SAMD5: variants seen among roughly 807,000 people sequenced by gnomAD.
SAMD5 encodes sterile alpha motif domain containing 5, also known as sterile alpha motif domain-containing protein 5.
SAMD5 carries 13 observed loss-of-function variants against 11.3 expected under a neutral mutation model. That is an observed-to-expected ratio of 1.15 (90% CI 0.75 to 1.83). SAMD5 has a LOEUF of 1.83. Among genes scored for constraint, SAMD5 ranks in the 40% most tolerant of loss-of-function variants. SAMD5 has a pLI of 0.00. For missense variants in SAMD5, 255 were observed against 239.1 expected (o/e 1.07, Z -0.44); for synonymous variants, 129 against 111.3 (o/e 1.16, Z -1.00).
At chr6:147,792,059 T>C in the SAMD5 span, among the ~76,000 whole-genome samples, 2 of 152,136 alleles carry the variant, frequency 1.3e-5, no homozygotes, top group Non-Finnish European at 2.9e-5. Context: ...CCTCTTACTA[T>C]AGCAAATTAA....
At chr6:147,913,208 C>G in the SAMD5 span, among the ~76,000 whole-genome samples, 2 of 151,576 alleles carry the variant, frequency 1.3e-5, no homozygotes, top group East Asian at 3.9e-4. Flanking sequence ...ACAATCAGTG[C>G]AAAAAAAAGA....
At chr6:147,749,544 A>G in the SAMD5 span, among the ~76,000 whole-genome samples, 1 of 152,206 alleles carries the variant, frequency 6.6e-6, no homozygotes, top group African/African-American at 2.4e-5. Context: ...ATGTCATATT[A>G]TAAGTTTTCA....
At chr6:147,560,008 G>A (rs1413530971) in intron 1 of SAMD5, among the ~76,000 whole-genome samples, 1 of 152,116 alleles carries the variant, frequency 6.6e-6, no homozygotes, top group Non-Finnish European at 1.5e-5. Context: ...TTATTGTGTA[G>A]GCAATAAAGA....
the SAMD5 span, among the ~76,000 whole-genome samples, chr6:147,759,027 G>C: frequency 6.6e-6 from 1 of 152,200 alleles, no homozygotes; most frequent in Non-Finnish European, 1.5e-5. Flanking sequence ...GAGGAATGGG[G>C]TAGGAGCTAA....
At chr6:147,768,085 A>G in the SAMD5 span, among the ~76,000 whole-genome samples, 137 of 152,364 alleles carry the variant, frequency 9.0e-4, no homozygotes, top group African/African-American at 3.2e-3. Flanking sequence ...AAAATTAACA[A>G]TTCAACTGCA....
downstream of SAMD5, among the ~76,000 whole-genome samples, chr6:147,574,993 T>A (rs184464523): frequency 6.6e-6 from 1 of 152,378 alleles, no homozygotes; most frequent in Non-Finnish European, 1.5e-5. Context: ...CCAGTTTAAC[T>A]ATATTAAAAG....
chr6:147,759,951 C>T, the SAMD5 span, among the ~76,000 whole-genome samples: 4 of 152,160 alleles, frequency 2.6e-5, no homozygotes, highest in South Asian at 8.3e-4. Flanking sequence ...AATTCCATAT[C>T]TACACTCTTC....
rs575249721 is a variant in SAMD5 at position 147,700,537 on chromosome 6, A to G, written c.163-36780A>G. Among the ~76,000 whole-genome samples, 6 of 152,248 alleles carry G rather than the reference A, an allele frequency of 3.9e-5. No homozygotes were observed. The East Asian group carries it at 1.2e-3, about 29-fold the overall frequency. On this transcript the variant is annotated intron_variant, in intron 1 of 1. Transcript: ENST00000566741. ...TACTGTGTTGGGTAGGTTGCCCCCA[A>G]GTGAGCTGGTATAACAGGTCTGCAT...
chr6:147,782,794 T>C, the SAMD5 span, among the ~76,000 whole-genome samples: 1 of 152,208 alleles, frequency 6.6e-6, no homozygotes, highest in Non-Finnish European at 1.5e-5. Flanking sequence ...AAAATCTTGA[T>C]CCACAAAATG....
At chr6:147,688,419 C>T (rs953044884) in intron 1 of SAMD5, among the ~76,000 whole-genome samples, 6 of 152,136 alleles carry the variant, frequency 3.9e-5, no homozygotes, top group African/African-American at 1.4e-4. Flanking sequence ...AATAGGCATA[C>T]TTTTATTTCA....
the SAMD5 span, among the ~76,000 whole-genome samples, chr6:147,934,254 T>C: frequency 1.9e-4 from 28 of 151,082 alleles, no homozygotes; most frequent in Non-Finnish European, 3.5e-4. Context: ...TGTTTAACTG[T>C]TTATATTACA....
intron 1 of SAMD5, among the ~76,000 whole-genome samples, chr6:147,683,170 C>T (rs1790963551): frequency 6.6e-6 from 1 of 152,208 alleles, no homozygotes. Flanking sequence ...ATTTGAAATG[C>T]TTGCCTATGT....
At chr6:147,825,585 T>C in the SAMD5 span, among the ~76,000 whole-genome samples, 1 of 152,122 alleles carries the variant, frequency 6.6e-6, no homozygotes, top group African/African-American at 2.4e-5. Flanking sequence ...CCTGGCATTT[T>C]TTTTCTTTTA....
intron 1 of SAMD5, among the ~76,000 whole-genome samples, chr6:147,706,672 C>G (rs868426957): frequency 6.6e-6 from 1 of 152,192 alleles, no homozygotes; most frequent in African/African-American, 2.4e-5. Flanking sequence ...TTTTCTGGTA[C>G]TTGGCTCTAC....
At chr6:147,512,603 G>C (rs1055959261) in intron 1 of SAMD5, among the ~76,000 whole-genome samples, 21 of 152,138 alleles carry the variant, frequency 1.4e-4, no homozygotes, top group African/African-American at 4.8e-4. Context: ...GAAAAAACAG[G>C]AGCTTAGAGA....
intron 1 of SAMD5, among the ~76,000 whole-genome samples, chr6:147,558,057 C>T (rs1172982539): frequency 2.0e-5 from 3 of 152,166 alleles, no homozygotes; most frequent in East Asian, 1.9e-4. Flanking sequence ...GCTGCTGTTG[C>T]TGGAGCAGGC....
At chr6:147,739,942 C>A (rs1463578272), downstream of SAMD5, among the ~76,000 whole-genome samples, 1 of 152,086 alleles carries the variant, frequency 6.6e-6, no homozygotes, top group Non-Finnish European at 1.5e-5. Context: ...GTCTCAGCCC[C>A]CCAAATAGCT....
At chr6:147,657,601 G>A (rs1168727631) in intron 1 of SAMD5, among the ~76,000 whole-genome samples, 3 of 152,172 alleles carry the variant, frequency 2.0e-5, no homozygotes, top group Non-Finnish European at 4.4e-5. Context: ...TGAATCAGGT[G>A]GCTTATAAAC....
intron 1 of SAMD5, among the ~76,000 whole-genome samples, chr6:147,546,498 C>A (rs1000404065): frequency 2.1e-5 from 3 of 140,708 alleles, no homozygotes; most frequent in Admixed American, 7.6e-5. Flanking sequence ...CCACTGCACT[C>A]CAGCCTGGGC....
Sources: gnomAD v4.1 joint callset for allele counts (sites outside exome capture counted in the v4.1 genomes callset) on GRCh38, gnomAD v4.1.1 for gene constraint, MANE v1.5 for transcripts, NCBI Gene and HGNC (gene_info 2026-07-23, HGNC 2026-07-21) for gene names.